ZNF776: variants seen among roughly 807,000 people sequenced by gnomAD.
ZNF776 encodes the protein zinc finger protein 776.
ZNF776 carries 4 observed loss-of-function variants against 7.0 expected under a neutral mutation model. The ratio of observed to expected loss-of-function variants is 0.57; its 90% CI spans 0.28 to 1.31. ZNF776 has a LOEUF of 1.31. Among genes scored for constraint, ZNF776 ranks in the 50% most tolerant of loss-of-function variants. The pLI is 0.10. For synonymous variants in ZNF776, 212 were observed against 213.7 expected (o/e 0.99, Z 0.07); for missense variants, 555 against 625.9 (o/e 0.89, Z 1.21).
intron 2 of ZNF776, among the ~76,000 whole-genome samples, 169 bp from the exon 3 acceptor site, chr19:57,753,122 C>T (rs1986654345): frequency 6.6e-6 from 1 of 152,220 alleles, no homozygotes; most frequent in African/African-American, 2.4e-5. Context: ...CAATTCCTTC[C>T]TGTGCAAACA....
rs554226910 is a variant in ZNF776 at position 57,754,141 on chromosome 19, C to T, written c.1011C>T (p.His337=). The T allele has an allele frequency of 5.6e-6, 9 of 1,612,698 alleles. No homozygotes were observed. In the African/African-American group the frequency reaches 9.4e-5, roughly 17 times the overall value. The change falls in exon 3 of 3, where the codon CAC becomes CAT. Residue 337 remains histidine, a synonymous_variant. Coordinates refer to ENST00000317178, the MANE Select transcript of ZNF776 (RefSeq NM_173632.4). ...TTAGCCATAAGCGCAGCCTTGTTCACCACCAGCGAGTTCACACTGGAGAAA... is the reference window on the plus strand; with the variant it reads ...TTAGCCATAAGCGCAGCCTTGTTCATCACCAGCGAGTTCACACTGGAGAAA... ...KSFSHKRSLV[H]HQRVHTGERP...
rs1986707561 is a variant in ZNF776, at chr19:57,754,422, C to G, written c.1292C>G (p.Pro431Arg). The change falls in exon 3 of 3, where the codon CCA (proline) becomes CGA (arginine). Residue 431 changes from proline to arginine, a missense_variant. By Grantham distance (103) the Pro-to-Arg change is moderately radical. Transcript: ENST00000317178. ...EHQRVHTGER[P>R]YECRECGKCF... ...CAGAGAGTTCACACTGGAGAAAGGC[C>G]ATATGAGTGTAGAGAATGTGGGAAA... The G allele has an allele frequency of 4.3e-6, 7 of 1,614,026 alleles. No individual in the cohort carries two copies. The highest frequency in any genetic ancestry group is 4.2e-6 in the Non-Finnish European group (5 of 1,180,044).
chr19:57,749,667 A>G (rs979543671), intron 1 of ZNF776, among the ~76,000 whole-genome samples: 2 of 152,178 alleles, frequency 1.3e-5, no homozygotes, highest in South Asian at 2.1e-4. Flanking sequence ...AGCATGGCCT[A>G]ATAATCCTTT....
intron 2 of ZNF776, among the ~76,000 whole-genome samples, chr19:57,751,173 G>T (rs1264592141): frequency 2.6e-5 from 4 of 152,138 alleles, no homozygotes; most frequent in African/African-American, 9.7e-5. Context: ...CACCTTGCTT[G>T]CCCTCTGGCT....
Position 57,753,851 on chromosome 19 carries a change from TC to T in ZNF776, c.722del (p.Ser241LeufsTer151). ...PREGPYVCSD[S>X]GKFTSKSNSF... Reference sequence around the variant, plus strand: ...AGAAGGACCTTATGTATGCAGTGATTCTGGGAAATTCACTAGCAAAAGTAAT... The same window carrying T: ...AGAAGGACCTTATGTATGCAGTGATTTGGGAAATTCACTAGCAAAAGTAAT... On this transcript the variant is annotated frameshift_variant, in exon 3 of 3. Coordinates refer to ENST00000317178, the MANE Select transcript of ZNF776 (RefSeq NM_173632.4). LOFTEE classifies it low-confidence loss of function (END_TRUNC). 1 of 1,614,212 alleles carries T rather than the reference TC, an allele frequency of 6.2e-7. No individual in the cohort carries two copies. The highest frequency in any genetic ancestry group is 8.5e-7 in the Non-Finnish European group (1 of 1,180,042).
chr19:57,754,006 T>G lies in ZNF776; in HGVS notation c.876T>G (p.Tyr292Ter). ...GAGTTCACACTGGAGAAAGACCTTA[T>G]GAGTGTGGAGAATGTGATAAATCTT... ...HQRVHTGERP[Y>*]ECGECDKSFS... Residue 292 changes from tyrosine (Y) to a stop codon, truncating the protein, a stop_gained, in exon 3 of 3, where the codon TAT becomes TAG. Coordinates refer to ENST00000317178, the MANE Select transcript of ZNF776 (RefSeq NM_173632.4). LOFTEE classifies it low-confidence loss of function (END_TRUNC). The G allele has an allele frequency of 1.2e-6, 2 of 1,614,178 alleles. No individual in the cohort carries two copies. The highest frequency in any genetic ancestry group is 1.7e-6 in the Non-Finnish European group (2 of 1,180,028).
rs148832270 is a variant in ZNF776, at chr19:57,756,761, C to G, written c.*2074C>G. On this transcript the variant is annotated 3_prime_UTR_variant, in exon 3 of 3. Transcript: ENST00000317178. ...AGTACTGGTGAGGGAAATCTGTTCTCAAGTCCTACAGTGCATTCATGTGTC... is the reference window on the plus strand; with the variant it reads ...AGTACTGGTGAGGGAAATCTGTTCTGAAGTCCTACAGTGCATTCATGTGTC... 5.5e-6 allele frequency: 2 copies of G among 365,018 alleles called. No homozygotes were observed. Among genetic ancestry groups the G allele is most frequent in the South Asian group, 4.3e-5 (2 of 46,714 alleles). The allele number at this position is 365,018 out of a possible 1,614,324, so 22.6% of individuals were successfully genotyped here.
Position 57,756,004 on chromosome 19 carries a change from G to A in ZNF776, c.*1317G>A, listed in dbSNP as rs1274215128. On this transcript the variant is annotated 3_prime_UTR_variant, in exon 3 of 3. Coordinates refer to ENST00000317178, the MANE Select transcript of ZNF776 (RefSeq NM_173632.4). ...GCTTTCCTGGTCCACATTGGAAGAA[G>A]AATTGTCTTGTGCCGCATATGAAAT... is the stretch of plus-strand genomic sequence containing the variant. 6.6e-6 allele frequency: 1 copy of A among 152,182 alleles called. No individual in the cohort carries two copies. The highest frequency in any genetic ancestry group is 1.5e-5 in the Non-Finnish European group (1 of 68,024). 9.4% of individuals were successfully genotyped at this position (152,182 alleles called of 1,614,324 possible).
chr19:57,752,778 A>C (rs936087963), intron 2 of ZNF776, among the ~76,000 whole-genome samples: 1 of 152,114 alleles, frequency 6.6e-6, no homozygotes, highest in African/African-American at 2.4e-5. Flanking sequence ...TCACATTTCC[A>C]TCTGCAGTGG....
At chr19:57,752,442 GTA>G (rs1367007251) in intron 2 of ZNF776, among the ~76,000 whole-genome samples, 1 of 152,090 alleles carries the variant, frequency 6.6e-6, no homozygotes, top group Non-Finnish European at 1.5e-5. Context: ...TAAATTCCAT[GTA>G]TATCTTTGCA....
Position 57,746,884 on chromosome 19 carries a change from G to A in ZNF776, c.-175G>A. 1 of 581,196 alleles carries A rather than the reference G, an allele frequency of 1.7e-6. No individual in the cohort carries two copies. The highest frequency in any genetic ancestry group is 2.5e-5 in the South Asian group (1 of 40,466). The allele number at this position is 581,196 out of a possible 1,614,324, so 36.0% of individuals were successfully genotyped here. On this transcript the variant is annotated 5_prime_UTR_variant, in exon 1 of 3. In the 5' UTR this introduces an upstream ATG that the reference lacks. Transcript: ENST00000317178. ...CCGCGGAGTGTTGGGTCGTGTAGAA[G>A]TGACTGAACCCAGAAGGTGGAGACG...
At position 57,754,502 on chromosome 19, in the gene ZNF776, A is replaced by G. The variant is rs988800514; in HGVS notation, c.1372A>G (p.Arg458Gly). ...ACATCAGCAGATCCACTCTGGAGAA[A>G]GGCCACATGAGTGTGGAGAATGTGG... ...IQHQQIHSGE[R>G]PHECGECGKC... Residue 458 changes from arginine to glycine, a missense_variant, in exon 3 of 3, where the codon AGG becomes GGG. Coordinates refer to ENST00000317178, the MANE Select transcript of ZNF776 (RefSeq NM_173632.4). 6.2e-7 allele frequency: 1 copy of G among 1,614,222 alleles called. No individual in the cohort carries two copies. The highest frequency in any genetic ancestry group is 1.3e-5 in the African/African-American group (1 of 75,066).
Position 57,754,652 on chromosome 19 carries a change from C to G in ZNF776, c.1522C>G (p.Arg508Gly). 6.2e-7 allele frequency: 1 copy of G among 1,612,528 alleles called. No homozygotes were observed. The highest frequency in any genetic ancestry group is 8.5e-7 in the Non-Finnish European group (1 of 1,178,620). Residue 508 changes from arginine to glycine, a missense_variant, in exon 3 of 3, where the codon CGA (arginine) becomes GGA (glycine). Transcript: ENST00000317178. ...AAAGGGAAACCTCATTAAACATCAA[C>G]GAGTTCACACGGGAGAAAGACATCA... ...RQKGNLIKHQRVHTGERHHEC is the reference protein window; with the variant it reads ...RQKGNLIKHQGVHTGERHHEC
rs1600070525 is a variant in ZNF776, at chr19:57,755,708, T to C, written c.*1021T>C. On this transcript the variant is annotated 3_prime_UTR_variant, in exon 3 of 3. Coordinates refer to ENST00000317178, the MANE Select transcript of ZNF776 (RefSeq NM_173632.4). Reference sequence around the variant, plus strand: ...AAATTCCAGGTATATGGGAGCTGTATTGCATTTCTTATCCTGCGTATGTCC... The same window carrying C: ...AAATTCCAGGTATATGGGAGCTGTACTGCATTTCTTATCCTGCGTATGTCC... 2.6e-5 allele frequency: 4 copies of C among 152,252 alleles called. No individual in the cohort carries two copies. In the South Asian group the frequency reaches 8.3e-4, roughly 31 times the overall value. 9.4% of individuals were successfully genotyped at this position (152,252 alleles called of 1,614,324 possible).
Position 57,754,842 on chromosome 19 carries a change from T to C in ZNF776, c.*155T>C. On this transcript the variant is annotated 3_prime_UTR_variant, in exon 3 of 3. Transcript: ENST00000317178. ...GCAAGATCACACTGGGGAAAGGCTT[T>C]CTGAGTGTAGAGAATGTATGAAATC... The C allele has an allele frequency of 1.4e-6, 1 of 723,948 alleles. No homozygotes were observed. The highest frequency in any genetic ancestry group is 2.2e-6 in the Non-Finnish European group (1 of 447,532). 44.8% of individuals were successfully genotyped at this position (723,948 alleles called of 1,614,324 possible). A position where few individuals can be genotyped will look rare whatever the true frequency, so the allele number is the denominator to read the frequency against.
chr19:57,754,539 A>C lies in ZNF776; in HGVS notation c.1409A>C (p.His470Pro). The change falls in exon 3 of 3, where the codon CAT becomes CCT. Residue 470 changes from histidine to proline, a missense_variant. Transcript: ENST00000317178. ...HECGECGKCF[H>P]QKGSLIRHQQ... ...TGTGGAGAATGTGGGAAATGTTTTC[A>C]TCAAAAGGGCAGTCTCATTCGACAT... 1 of 1,613,624 alleles carries C rather than the reference A, an allele frequency of 6.2e-7. No individual in the cohort carries two copies. Among genetic ancestry groups the C allele is most frequent in the East Asian group, 2.2e-5 (1 of 44,842 alleles).
chr19:57,753,623 A>G lies in ZNF776; in HGVS notation c.493A>G (p.Ile165Val). 6.2e-7 allele frequency: 1 copy of G among 1,614,178 alleles called. No individual in the cohort carries two copies. Among genetic ancestry groups the G allele is most frequent in the Non-Finnish European group, 8.5e-7 (1 of 1,180,032 alleles). Residue 165 changes from isoleucine (I) to valine (V), a missense_variant, in exon 3 of 3, where the codon ATC becomes GTC. Transcript: ENST00000317178. ...ATTCCATATGTCACATGAGCCATTTATCTTTCATGAGGTTGGGAAAGACTT... is the reference window on the plus strand; with the variant it reads ...ATTCCATATGTCACATGAGCCATTTGTCTTTCATGAGGTTGGGAAAGACTT... The part of the protein sequence containing the change: ...CKFHMSHEPF[I>V]FHEVGKDFLS...
chr19:57,747,616 A>T lies in ZNF776; in HGVS notation c.33+525A>T, dbSNP rs1314606055. ...ACTGAGGCGCTCAGTTCAGACAACC[A>T]ACTCGCGTTTACCTAGTTACAGGGC... On this transcript the variant is annotated intron_variant, in intron 1 of 2. Coordinates refer to ENST00000317178, the MANE Select transcript of ZNF776 (RefSeq NM_173632.4). Among the ~76,000 whole-genome samples the T allele has an allele frequency of 2.0e-5, 3 of 152,118 alleles. 1 individual carries two copies. In the East Asian group the frequency reaches 5.8e-4, roughly 29 times the overall value.
In ZNF776 at chr19:57,755,726, G is replaced by A. The variant is rs1420551967; in HGVS notation, c.*1039G>A. The A allele has an allele frequency of 2.6e-5, 4 of 152,168 alleles. No homozygotes were observed. The highest frequency in any genetic ancestry group is 9.7e-5 in the African/African-American group (4 of 41,428). 9.4% of individuals were successfully genotyped at this position (152,168 alleles called of 1,614,324 possible). The stretch of plus-strand genomic sequence containing the variant: ...AGCTGTATTGCATTTCTTATCCTGC[G>A]TATGTCCTTGCCAGATTTATTTCAT... On this transcript the variant is annotated 3_prime_UTR_variant, in exon 3 of 3. Transcript: ENST00000317178.
Sources: allele counts gnomAD v4.1 joint callset (sites outside exome capture counted in the v4.1 genomes callset), GRCh38; gene constraint gnomAD v4.1.1; transcripts MANE v1.5; gene names NCBI Gene and HGNC (gene_info 2026-07-23, HGNC 2026-07-21).